Variants in MAN1A1 observed in about 807,000 individuals in gnomAD.
The protein encoded by MAN1A1 is mannosyl-oligosaccharide 1,2-alpha-mannosidase IA.
A neutral mutation model predicts 70.8 loss-of-function variants in MAN1A1; 29 were observed. The ratio of observed to expected loss-of-function variants is 0.41; its 90% CI spans 0.31 to 0.56. MAN1A1 has a LOEUF of 0.56. Ranked by LOEUF, MAN1A1 falls within the 20% of genes least tolerant of loss-of-function variation. The pLI is 0.29. For missense variants in MAN1A1, 747 were observed against 841.3 expected (o/e 0.89, Z 1.39); for synonymous variants, 349 against 330.1 (o/e 1.06, Z -0.62).
At chr6:119,330,894 G>C (rs1562245348) in intron 2 of MAN1A1, among the ~76,000 whole-genome samples, 1 of 152,066 alleles carries the variant, frequency 6.6e-6, no homozygotes, top group Non-Finnish European at 1.5e-5. Flanking sequence ...GGTTCCCATA[G>C]TAACTCTAGG....
At chr6:119,226,842 T>C (rs1429369761) in intron 6 of MAN1A1, among the ~76,000 whole-genome samples, 1 of 120,256 alleles carries the variant, frequency 8.3e-6, no homozygotes, top group Non-Finnish European at 1.9e-5. Context: ...GGCTAATTTA[T>C]ATATTTTTTA....
At chr6:119,272,363 C>G (rs148646499) in intron 5 of MAN1A1, among the ~76,000 whole-genome samples, 44 of 152,176 alleles carry the variant, frequency 2.9e-4, no homozygotes, top group African/African-American at 1.0e-3. Context: ...CTCTTACTCC[C>G]TTCTTTCTCA....
At chr6:119,292,744 C>T (rs954155611) in intron 4 of MAN1A1, among the ~76,000 whole-genome samples, 1 of 151,906 alleles carries the variant, frequency 6.6e-6, no homozygotes, top group Admixed American at 6.6e-5. Context: ...GTGTGTTTAA[C>T]TGTATTTTAT....
chr6:119,178,183 T>C lies in MAN1A1; in HGVS notation c.*1636A>G, dbSNP rs1361701567. The C allele has an allele frequency of 6.6e-6, 1 of 152,180 alleles. No individual in the cohort carries two copies. The allele number at this position is 152,180 out of a possible 1,614,324, so 9.4% of individuals were successfully genotyped here. The stretch of plus-strand genomic sequence containing the variant: ...AGAAAGCAGGTCATAAAGATGGTCC[T>C]GTCCGATAAAGGAAATCTTTTAAAA... On this transcript the variant is annotated 3_prime_UTR_variant, in exon 13 of 13. Coordinates refer to ENST00000368468, the MANE Select transcript of MAN1A1 (RefSeq NM_005907.4).
At chr6:119,281,499 G>C (rs972381997) in intron 5 of MAN1A1, among the ~76,000 whole-genome samples, 1 of 152,150 alleles carries the variant, frequency 6.6e-6, no homozygotes, top group African/African-American at 2.4e-5. Context: ...TGTGGGATTT[G>C]CCAGAATCTC....
At chr6:119,289,115 T>C (rs929486681) in intron 5 of MAN1A1, among the ~76,000 whole-genome samples, 1 of 151,796 alleles carries the variant, frequency 6.6e-6, no homozygotes, top group Non-Finnish European at 1.5e-5. Flanking sequence ...GAAACACATA[T>C]ATGTATGTAA....
At chr6:119,305,346 A>C (rs1385552072) in intron 3 of MAN1A1, among the ~76,000 whole-genome samples, 2 of 152,186 alleles carry the variant, frequency 1.3e-5, no homozygotes, top group Non-Finnish European at 2.9e-5. Context: ...ACTTTTATAG[A>C]GATAAAAGCA....
intron 5 of MAN1A1, among the ~76,000 whole-genome samples, chr6:119,283,377 G>C (rs1395654240): frequency 6.6e-5 from 10 of 152,168 alleles, no homozygotes; most frequent in Non-Finnish European, 1.5e-4. Context: ...TTTACTAAAT[G>C]TTTTCTAGTG....
At chr6:119,310,134 A>C (rs552629470) in intron 2 of MAN1A1, among the ~76,000 whole-genome samples, 64 of 152,364 alleles carry the variant, frequency 4.2e-4, no homozygotes, top group Non-Finnish European at 5.9e-4. Context: ...CTAACAAATT[A>C]AGTTTAATGT....
chr6:119,317,402 C>T (rs1467165334), intron 2 of MAN1A1, among the ~76,000 whole-genome samples: 4 of 152,160 alleles, frequency 2.6e-5, no homozygotes, highest in Admixed American at 6.5e-5. Context: ...TCATCCCTCT[C>T]TCCAATCCCC....
At chr6:119,305,931 C>G (rs1370894689) in intron 3 of MAN1A1, among the ~76,000 whole-genome samples, 2 of 152,142 alleles carry the variant, frequency 1.3e-5, no homozygotes, top group Non-Finnish European at 1.5e-5. Flanking sequence ...CAAGTCCCAG[C>G]TCTGCCAGTT....
chr6:119,317,717 T>G (rs985619489), intron 2 of MAN1A1, among the ~76,000 whole-genome samples: 4 of 152,204 alleles, frequency 2.6e-5, no homozygotes, highest in Admixed American at 2.6e-4. Flanking sequence ...AAGAAGAGAC[T>G]TGCACAGTAT....
chr6:119,323,860 C>CT (rs1243995774), intron 2 of MAN1A1, among the ~76,000 whole-genome samples: 2 of 152,034 alleles, frequency 1.3e-5, no homozygotes, highest in African/African-American at 4.8e-5. Flanking sequence ...TTCAATATAC[C>CT]TACGGGATGA....
At chr6:119,233,296 C>T (rs569947733) in intron 6 of MAN1A1, among the ~76,000 whole-genome samples, 3 of 152,228 alleles carry the variant, frequency 2.0e-5, no homozygotes, top group East Asian at 3.9e-4. Flanking sequence ...CCTCTCTGGG[C>T]ACATGAACAC....
chr6:119,268,154 TCA>T (rs1775810863), intron 5 of MAN1A1, among the ~76,000 whole-genome samples: 1 of 152,246 alleles, frequency 6.6e-6, no homozygotes, highest in African/African-American at 2.4e-5. Flanking sequence ...TTTTATCATT[TCA>T]CTTTCATTTG....
chr6:119,237,223 A>C (rs1201166746), intron 6 of MAN1A1, among the ~76,000 whole-genome samples: 5 of 152,228 alleles, frequency 3.3e-5, no homozygotes, highest in African/African-American at 7.2e-5. Context: ...ACAGTGATAA[A>C]GCAGCAGCAG....
At chr6:119,212,102 A>T (rs1032243481) in intron 6 of MAN1A1, among the ~76,000 whole-genome samples, 1 of 150,840 alleles carries the variant, frequency 6.6e-6, no homozygotes, top group Non-Finnish European at 1.5e-5. Flanking sequence ...AGCCTCCCAA[A>T]GTGCTGGGAT....
chr6:119,241,944 ATGTATGTGTG>A (rs781044262), intron 6 of MAN1A1, among the ~76,000 whole-genome samples: 4,244 of 146,156 alleles, frequency 0.029, 94 homozygotes, highest in Non-Finnish European at 0.046. Context: ...GTGTGTGTGT[ATGTATGTGTG>A]TGTGTGTGTG....
At chr6:119,241,898 A>ATGTGTG (rs59230995) in intron 6 of MAN1A1, among the ~76,000 whole-genome samples, 1 of 149,580 alleles carries the variant, frequency 6.7e-6, no homozygotes, top group African/African-American at 2.5e-5. Context: ...CAGCAATTAT[A>ATGTGTG]TGTGTGTGTG....
Sources: gnomAD v4.1 joint callset for allele counts (sites outside exome capture counted in the v4.1 genomes callset) on GRCh38, gnomAD v4.1.1 for gene constraint, MANE v1.5 for transcripts, NCBI Gene and HGNC (gene_info 2026-07-23, HGNC 2026-07-21) for gene names.